Variants in ANK3 observed in about 807,000 individuals in gnomAD.
ANK3 encodes ankyrin-3.
ANK3 carries 57 observed loss-of-function variants against 370.9 expected under a neutral mutation model. The ratio of observed to expected loss-of-function variants is 0.15; its 90% CI spans 0.12 to 0.19. ANK3 has a LOEUF of 0.19. Among genes scored for constraint, ANK3 ranks in the 10% least tolerant of loss-of-function variants. ANK3 has a pLI of 1.00. For synonymous variants in ANK3, 1,929 were observed against 1,946.3 expected, an observed-to-expected ratio of 0.99 and a Z score of 0.23; for missense variants, 4,439 against 5,302.1, an observed-to-expected ratio of 0.84 and a Z score of 5.06.
At chr10:60,202,224 C>A (rs1050445726) in intron 12 of ANK3, among the ~76,000 whole-genome samples, 10 of 151,902 alleles carry the variant, frequency 6.6e-5, no homozygotes, top group African/African-American at 2.4e-4. Context: ...CAGGTTCAGG[C>A]AATTCTCCTG....
At chr10:60,516,261 GA>G (rs2076216787) in intron 2 of ANK3, among the ~76,000 whole-genome samples, 1 of 152,044 alleles carries the variant, frequency 6.6e-6, no homozygotes, top group African/African-American at 2.4e-5. Flanking sequence ...CCCAAAAAGA[GA>G]AAAAGGTATC....
intron 7 of ANK3, among the ~76,000 whole-genome samples, chr10:60,250,081 T>C (rs1565987082): frequency 6.6e-6 from 1 of 152,240 alleles, no homozygotes. Context: ...TAAGGGGTTA[T>C]CAACACAAAA....
At chr10:60,209,309 G>A (rs552937647) in intron 9 of ANK3, among the ~76,000 whole-genome samples, 1 of 152,160 alleles carries the variant, frequency 6.6e-6, no homozygotes, top group Non-Finnish European at 1.5e-5. Flanking sequence ...ATGTACCAAG[G>A]AACCAGAGGT....
intron 2 of ANK3, among the ~76,000 whole-genome samples, chr10:60,443,342 T>C (rs1325986988): frequency 1.3e-5 from 2 of 151,966 alleles, no homozygotes; most frequent in Non-Finnish European, 2.9e-5. Context: ...GAGTGGGGTG[T>C]GGGCTGAGGA....
chr10:60,656,388 C>T (rs1458156343), intron 1 of ANK3, among the ~76,000 whole-genome samples: 2 of 151,366 alleles, frequency 1.3e-5, no homozygotes, highest in Non-Finnish European at 2.9e-5. Flanking sequence ...AATCTGTGTC[C>T]TCTCTATTTT....
Position 60,368,279 on chromosome 10 carries a change from G to C in ANK3, c.114+21146C>G, listed in dbSNP as rs182312757. Among the ~76,000 whole-genome samples, 372 of 152,076 alleles carry C rather than the reference G, an allele frequency of 2.4e-3. 2 individuals are homozygous for C. Among genetic ancestry groups the C allele is most frequent in the Middle Eastern group, 6.8e-3 (2 of 294 alleles). ...TTCCAAGAAAAAGAACAAAAGTATT[G>C]TCTGGCTACCATGAGATCCAAATGA... On this transcript the variant is annotated intron_variant, in intron 1 of 43. Transcript: ENST00000280772.
intron 1 of ANK3, among the ~76,000 whole-genome samples, chr10:60,288,675 G>A (rs2040591645): frequency 6.6e-6 from 1 of 152,174 alleles, no homozygotes; most frequent in Non-Finnish European, 1.5e-5. Context: ...ACAGGTTCAG[G>A]AGAGGTTTGG....
At chr10:60,105,080 A>G (rs76192483) in intron 28 of ANK3, among the ~76,000 whole-genome samples, 1,929 of 152,310 alleles carry the variant, frequency 0.013, 24 homozygotes, top group African/African-American at 0.042. Flanking sequence ...AATATGAATT[A>G]TATCTCGAAT....
intron 25 of ANK3, among the ~76,000 whole-genome samples, chr10:60,115,173 T>C (rs1000765896): frequency 6.6e-6 from 1 of 152,166 alleles, no homozygotes; most frequent in African/African-American, 2.4e-5. Flanking sequence ...GAACTTATAA[T>C]GGGAAGAGAT....
intron 7 of ANK3, among the ~76,000 whole-genome samples, chr10:60,260,130 G>A (rs2097783394): frequency 6.6e-6 from 1 of 152,196 alleles, no homozygotes; most frequent in African/African-American, 2.4e-5. Context: ...AAGAGGGAAA[G>A]TAAAATAAAC....
At chr10:60,362,022 C>T (rs946799413) in intron 1 of ANK3, among the ~76,000 whole-genome samples, 7 of 152,016 alleles carry the variant, frequency 4.6e-5, no homozygotes, top group Admixed American at 3.9e-4. Flanking sequence ...AACAGCCACC[C>T]CTATATATGC....
At chr10:60,291,005 C>T (rs889216248) in intron 1 of ANK3, among the ~76,000 whole-genome samples, 2 of 151,984 alleles carry the variant, frequency 1.3e-5, no homozygotes, top group East Asian at 1.9e-4. Flanking sequence ...GAATTCAGGC[C>T]GTGGGGGTAT....
At chr10:60,289,497 G>C (rs759874355) in intron 1 of ANK3, among the ~76,000 whole-genome samples, 1 of 151,338 alleles carries the variant, frequency 6.6e-6, no homozygotes, top group Non-Finnish European at 1.5e-5. Flanking sequence ...CTGTAGCCTC[G>C]ATCTCCCCAG....
In ANK3 at chr10:60,070,423, T is replaced by C. The variant is rs2082473594; in HGVS notation, c.10458A>G (p.Ser3486=). ...CAGTCTTATCAGGAGTCTTTTCAGA[T>C]GAAGAACTTTTAGAAGGTGGCTTGT... ...DEDKPPSKSS[S]SEKTPDKTDQ... Residue 3486 remains serine, a synonymous_variant, in exon 37 of 44, where the codon TCA becomes TCG. Coordinates refer to ENST00000280772, the MANE Select transcript of ANK3 (RefSeq NM_020987.5). This position sits in a 1 kb window ranked among gnomAD's most constrained non-coding sequence, Gnocchi z 5.7. 1 of 1,613,982 alleles carries C rather than the reference T, an allele frequency of 6.2e-7. No homozygotes were observed. The highest frequency in any genetic ancestry group is 1.3e-5 in the African/African-American group (1 of 74,918).
chr10:60,238,835 C>T (rs913305069), intron 7 of ANK3, among the ~76,000 whole-genome samples: 9 of 151,910 alleles, frequency 5.9e-5, no homozygotes, highest in African/African-American at 2.2e-4. Flanking sequence ...TGCTCATTTC[C>T]AGGTAAAAAT....
chr10:60,137,875 A>C (rs990391962), intron 24 of ANK3, among the ~76,000 whole-genome samples: 12 of 152,154 alleles, frequency 7.9e-5, no homozygotes, highest in African/African-American at 2.9e-4. Context: ...AGAACCTTAA[A>C]AGTTCTACAT....
chr10:60,180,056 G>C (rs773166834), intron 18 of ANK3, among the ~76,000 whole-genome samples: 2 of 152,124 alleles, frequency 1.3e-5, no homozygotes, highest in Admixed American at 6.5e-5. Context: ...TTACCATAAA[G>C]TTGCAAATTT....
chr10:60,278,978 A>C, intron 3 of ANK3, 72 bp downstream of exon 3: 1 of 1,571,106 alleles, frequency 6.4e-7, no homozygotes, highest in Non-Finnish European at 8.8e-7. Flanking sequence ...ATGTGCCCCC[A>C]TTCTTACTGA....
At chr10:60,285,169 A>G (rs1593055422) in intron 1 of ANK3, among the ~76,000 whole-genome samples, 1 of 152,212 alleles carries the variant, frequency 6.6e-6, no homozygotes, top group East Asian at 1.9e-4. Flanking sequence ...ATATCTATGT[A>G]CCTCAGTTTT....
Sources: gnomAD v4.1 joint callset for allele counts (sites outside exome capture counted in the v4.1 genomes callset) on GRCh38, gnomAD v4.1.1 for gene constraint, Gnocchi (gnomAD v3.1) non-coding constraint, MANE v1.5 for transcripts, NCBI Gene and HGNC (gene_info 2026-07-23, HGNC 2026-07-21) for gene names.